Variants in PTPRD observed in about 807,000 individuals in gnomAD.
The protein encoded by PTPRD is protein tyrosine phosphatase receptor type D.
PTPRD carries 34 observed loss-of-function variants against 214.5 expected under a neutral mutation model. The observed-to-expected ratio is 0.16, with a 90% CI of 0.12 to 0.21. PTPRD has a LOEUF of 0.21. PTPRD is among the 10% of genes least tolerant of loss of function. The pLI is 1.00. For synonymous variants in PTPRD, 1,128 were observed against 845.7 expected, an observed-to-expected ratio of 1.33 and a Z score of -5.79; for missense variants, 2,545 against 2,398.7, an observed-to-expected ratio of 1.06 and a Z score of -1.27.
chr9:9,116,324 G>C (rs2099812315), intron 10 of PTPRD, among the ~76,000 whole-genome samples: 1 of 152,084 alleles, frequency 6.6e-6, no homozygotes, highest in Admixed American at 6.6e-5. Flanking sequence ...GCAGCAACTT[G>C]GATGGTGCTG....
intron 11 of PTPRD, among the ~76,000 whole-genome samples, chr9:8,820,606 T>C (rs2154526447): frequency 1.3e-5 from 2 of 152,310 alleles, no homozygotes; most frequent in Admixed American, 1.3e-4. Context: ...AGTTCAACTC[T>C]TGTTAAACCA....
intron 9 of PTPRD, among the ~76,000 whole-genome samples, chr9:9,303,970 C>T (rs1956296742): frequency 6.6e-6 from 1 of 152,092 alleles, no homozygotes; most frequent in Non-Finnish European, 1.5e-5. Flanking sequence ...CTAGCAGTAA[C>T]ATTTGTTCCT....
chr9:9,426,406 T>C (rs2142951120), intron 8 of PTPRD, among the ~76,000 whole-genome samples: 1 of 152,220 alleles, frequency 6.6e-6, no homozygotes, highest in South Asian at 2.1e-4. Flanking sequence ...ACAAAGCAGC[T>C]GGGAAGCTCG....
intron 3 of PTPRD, among the ~76,000 whole-genome samples, chr9:10,139,241 C>G (rs965732424): frequency 6.6e-6 from 1 of 151,198 alleles, no homozygotes; most frequent in Non-Finnish European, 1.5e-5. Context: ...ACATAACAGT[C>G]AAGCCGAGAG....
chr9:9,206,283 G>C (rs2099944806), intron 9 of PTPRD, among the ~76,000 whole-genome samples: 1 of 152,152 alleles, frequency 6.6e-6, no homozygotes, highest in Non-Finnish European at 1.5e-5. Context: ...CCATTCAAAA[G>C]ACATTCAGTT....
intron 12 of PTPRD, among the ~76,000 whole-genome samples, chr9:8,688,777 G>A (rs886506004): frequency 2.0e-5 from 3 of 152,160 alleles, no homozygotes; most frequent in Admixed American, 1.3e-4. Context: ...TGAGGTTATA[G>A]GAGATTTACC....
At chr9:9,392,213 G>A (rs1173073239) in intron 9 of PTPRD, among the ~76,000 whole-genome samples, 4 of 152,168 alleles carry the variant, frequency 2.6e-5, no homozygotes, top group African/African-American at 7.2e-5. Flanking sequence ...TGGGCACATT[G>A]ATGACCGCAG....
chr9:9,570,184 G>A (rs566320677), intron 8 of PTPRD, among the ~76,000 whole-genome samples: 16 of 151,478 alleles, frequency 1.1e-4, no homozygotes, highest in South Asian at 4.1e-4. Context: ...TTTTACCCAC[G>A]TCTTTCTAAC....
In PTPRD at chr9:10,031,625, C is replaced by CATATATAT. The variant is rs1171466919; in HGVS notation, c.-472+2085_-472+2092dup. 1.9e-3 allele frequency among the ~76,000 whole-genome samples: 165 copies of CATATATAT among 87,362 alleles called. 4 individuals are homozygous for CATATATAT. The highest frequency in any genetic ancestry group is 2.6e-3 in the Non-Finnish European group (138 of 52,098). The allele number at this position is 87,362 out of a possible 152,430, so 57.3% of individuals were successfully genotyped here. On this transcript the variant is annotated intron_variant, in intron 4 of 45. Coordinates refer to ENST00000381196, the MANE Select transcript of PTPRD (RefSeq NM_002839.4). ...TACATTAATAATACTTAAAAAACTC[C>CATATATAT]ATATATATATATATATATATATACA... is the stretch of plus-strand genomic sequence containing the variant.
At chr9:8,364,936 G>T (rs556799385) in intron 39 of PTPRD, among the ~76,000 whole-genome samples, 1 of 152,188 alleles carries the variant, frequency 6.6e-6, no homozygotes, top group East Asian at 1.9e-4. Flanking sequence ...ATATACAGGT[G>T]CTTTCTGGTT....
chr9:10,120,337 A>G (rs1052520218), intron 3 of PTPRD, among the ~76,000 whole-genome samples: 1 of 152,008 alleles, frequency 6.6e-6, no homozygotes, highest in East Asian at 1.9e-4. Flanking sequence ...TTTAAGTATT[A>G]TCTCTTTTAA....
chr9:10,053,484 G>A (rs1374530168), intron 3 of PTPRD, among the ~76,000 whole-genome samples: 1 of 152,092 alleles, frequency 6.6e-6, no homozygotes, highest in African/African-American at 2.4e-5. Context: ...ACTACAGAGA[G>A]AAGAAAAAGC....
At chr9:9,040,479 T>C (rs2099636203) in intron 10 of PTPRD, among the ~76,000 whole-genome samples, 1 of 152,288 alleles carries the variant, frequency 6.6e-6, no homozygotes, top group East Asian at 1.9e-4. Flanking sequence ...TATATTGGAG[T>C]GTAGAATCTT....
chr9:9,520,005 A>G (rs1001267690), intron 8 of PTPRD, among the ~76,000 whole-genome samples: 6 of 152,008 alleles, frequency 3.9e-5, no homozygotes, highest in Non-Finnish European at 7.4e-5. Flanking sequence ...AAATAGGCCT[A>G]TGTATGTAGA....
At chr9:8,708,343 T>C (rs2098252752) in intron 12 of PTPRD, among the ~76,000 whole-genome samples, 1 of 151,930 alleles carries the variant, frequency 6.6e-6, no homozygotes, top group African/African-American at 2.4e-5. Flanking sequence ...AGTACAGCCA[T>C]TATAGAAAAC....
chr9:8,464,727 A>T (rs199665033), intron 32 of PTPRD, among the ~76,000 whole-genome samples: 2 of 134,502 alleles, frequency 1.5e-5, no homozygotes, highest in Non-Finnish European at 3.2e-5. Context: ...TTTTTTTTTT[A>T]AACATTCAAA....
In PTPRD at chr9:8,322,231, T is replaced by TAATTTGTAGGGC. The variant is rs534749493; in HGVS notation, c.5535-2266_5535-2265insGCCCTACAAATT. Among the ~76,000 whole-genome samples, 104 of 152,290 alleles carry TAATTTGTAGGGC rather than the reference T, an allele frequency of 6.8e-4. 1 individual carries two copies. The East Asian group carries it at 0.012, about 17-fold the overall frequency. Reference sequence around the variant, plus strand: ...GCCAGTTAATAACCCTACAATGGCCTCTAAGTGTTCAAGTGAAAGGGAGAG... The same window carrying TAATTTGTAGGGC: ...GCCAGTTAATAACCCTACAATGGCCTAATTTGTAGGGCCTAAGTGTTCAAGTGAAAGGGAGAG... On this transcript the variant is annotated intron_variant, in intron 44 of 45. Transcript: ENST00000381196.
At position 8,948,504 on chromosome 9, in the gene PTPRD, T is replaced by C; in HGVS notation, c.-104+70193A>G. Among the ~76,000 whole-genome samples, 2 of 48,430 alleles carry C rather than the reference T, an allele frequency of 4.1e-5. 1 individual carries two copies. The highest frequency in any genetic ancestry group is 7.9e-4 in the Admixed American group (2 of 2,528). The allele number at this position is 48,430 out of a possible 152,430, so 31.8% of individuals were successfully genotyped here. On this transcript the variant is annotated intron_variant, in intron 11 of 45. Transcript: ENST00000381196. ...ATTTATATATATATTTATATATATATTTATATATATATATTTATATATATA... is the reference window on the plus strand; with the variant it reads ...ATTTATATATATATTTATATATATACTTATATATATATATTTATATATATA...
At chr9:8,981,396 T>C (rs1319794790) in intron 11 of PTPRD, among the ~76,000 whole-genome samples, 2 of 152,052 alleles carry the variant, frequency 1.3e-5, no homozygotes, top group Non-Finnish European at 2.9e-5. Context: ...TTCAGTTCTT[T>C]AGTCTGATTT....
Sources: allele counts gnomAD v4.1 joint callset (sites outside exome capture counted in the v4.1 genomes callset), GRCh38; gene constraint gnomAD v4.1.1; transcripts MANE v1.5; gene names NCBI Gene and HGNC (gene_info 2026-07-23, HGNC 2026-07-21).